The following LYSMD4 variants were observed in gnomAD, a reference collection of about 807,000 sequenced individuals.
The protein encoded by LYSMD4 is LysM domain containing 4.
LYSMD4 carries 9 observed loss-of-function variants against 6.1 expected under a neutral mutation model. The ratio of observed to expected loss-of-function variants is 1.47; its 90% CI spans 0.88 to 2.56. The LOEUF (loss-of-function observed/expected upper bound fraction) is 2.56. LYSMD4 is among the 30% of genes most tolerant of loss of function. The pLI, the probability that LYSMD4 is intolerant of heterozygous loss-of-function variation, is 0.00. For synonymous variants in LYSMD4, 143 were observed against 148.5 expected, an observed-to-expected ratio of 0.96 and a Z score of 0.27; for missense variants, 384 against 373.5, an observed-to-expected ratio of 1.03 and a Z score of -0.23.
intron 1 of LYSMD4, 48 bp downstream of exon 1, chr15:99,733,297 G>A (rs2059469470): frequency 5.1e-6 from 2 of 389,132 alleles, no homozygotes; most frequent in Non-Finnish European, 9.1e-6. Context: ...CCATGAGCCC[G>A]CGCGGCTCCC....
rs564427297 is a variant in LYSMD4, at chr15:99,731,961, G to T, written c.39C>A (p.Gly13=). The change falls in exon 2 of 3, where the codon GGC becomes GGA. Residue 13 remains glycine, a synonymous_variant. Transcript: ENST00000684762. ...HEELLTKTFQ[G]PAVVCGTPTS... ...TCGGAGTCCCACACACAACAGCTGG[G>T]CCTTGGAAGGTCTTGGTTAACAATT... The T allele has an allele frequency of 9.0e-5, 144 of 1,603,886 alleles. 1 individual carries two copies. Among genetic ancestry groups the T allele is most frequent in the Admixed American group, 5.5e-4 (32 of 58,306 alleles).
downstream of LYSMD4, among the ~76,000 whole-genome samples, chr15:99,725,799 G>T (rs2059274742): frequency 6.6e-6 from 1 of 152,102 alleles, no homozygotes; most frequent in Non-Finnish European, 1.5e-5. Context: ...TCATGCCACA[G>T]GTGCCCTACC....
At chr15:99,719,204 C>A (rs760734757), upstream of LYSMD4, among the ~76,000 whole-genome samples, 4 of 152,186 alleles carry the variant, frequency 2.6e-5, no homozygotes, top group Non-Finnish European at 4.4e-5. Context: ...CCAGTCAAGA[C>A]AGTGGTTTCC....
chr15:99,732,146 A>G, intron 1 of LYSMD4, 139 bp from the exon 2 acceptor site: 1 of 906,570 alleles, frequency 1.1e-6, no homozygotes, highest in Non-Finnish European at 1.6e-6. Context: ...TCAACAGAAA[A>G]AAAAGAATGT....
chr15:99,724,286 G>C (rs567292488), downstream of LYSMD4, among the ~76,000 whole-genome samples: 48 of 144,114 alleles, frequency 3.3e-4, no homozygotes, highest in South Asian at 6.4e-3. Context: ...CCTGAGACAG[G>C]GTTTGGCTCC....
chr15:99,718,034 T>C (rs748482531), upstream of LYSMD4, among the ~76,000 whole-genome samples: 11 of 152,260 alleles, frequency 7.2e-5, no homozygotes, highest in Non-Finnish European at 1.2e-4. Context: ...GAAATTAATA[T>C]TGACACAGCA....
chr15:99,715,810 A>T (rs1488862591), exon 1 of LYSMD4: 4 of 151,908 alleles, frequency 2.6e-5, no homozygotes, highest in Non-Finnish European at 5.9e-5. Flanking sequence ...TCTAATGGCC[A>T]CTCCACCGCG....
chr15:99,725,695 C>T (rs753715400), downstream of LYSMD4, among the ~76,000 whole-genome samples: 5 of 152,092 alleles, frequency 3.3e-5, no homozygotes, highest in Non-Finnish European at 7.3e-5. Context: ...GAGGCCAGTA[C>T]CCCAAGTGGG....
rs1364360427 is a variant in LYSMD4 at position 99,732,151 on chromosome 15, G to C, written c.-8-144C>G. ...GCATACATCATCAACAGAAAAAAAA[G>C]AATGTGCTTATGCTGGCTGAGATGG... On this transcript the variant is annotated intron_variant, in intron 1 of 2. Coordinates refer to ENST00000684762, the MANE Select transcript of LYSMD4 (RefSeq NM_001284417.2). 4.6e-6 allele frequency: 4 copies of C among 876,544 alleles called. 1 individual carries two copies. In the South Asian group the frequency reaches 6.0e-5, roughly 13 times the overall value. The allele number at this position is 876,544 out of a possible 1,614,324, so 54.3% of individuals were successfully genotyped here. A position where few individuals can be genotyped will look rare whatever the true frequency, so the allele number is the denominator to read the frequency against.
At chr15:99,725,103 G>A (rs555993326), downstream of LYSMD4, among the ~76,000 whole-genome samples, 10 of 152,030 alleles carry the variant, frequency 6.6e-5, no homozygotes, top group East Asian at 1.9e-4. Flanking sequence ...CTTAAGTGCC[G>A]GGAAGGAAGC....
chr15:99,726,234 C>T (rs1255170590), downstream of LYSMD4, among the ~76,000 whole-genome samples: 1 of 150,352 alleles, frequency 6.7e-6, no homozygotes. Flanking sequence ...ACCTCTGCCT[C>T]CTGGGCTCAA....
At chr15:99,719,749 A>G (rs1298642911), upstream of LYSMD4, among the ~76,000 whole-genome samples, 2 of 152,192 alleles carry the variant, frequency 1.3e-5, no homozygotes, top group Non-Finnish European at 2.9e-5. Context: ...TTGCTGAGGG[A>G]GTTCACCTGT....
downstream of LYSMD4, among the ~76,000 whole-genome samples, chr15:99,722,492 T>C (rs116807081): frequency 6.6e-6 from 1 of 152,094 alleles, no homozygotes; most frequent in Non-Finnish European, 1.5e-5. Flanking sequence ...ATTCACCATG[T>C]CTAGCATCCA....
chr15:99,725,467 CACTTT>C (rs2059271005), downstream of LYSMD4, among the ~76,000 whole-genome samples: 1 of 152,144 alleles, frequency 6.6e-6, no homozygotes, highest in African/African-American at 2.4e-5. Context: ...CCCCTAGTCC[CACTTT>C]ACTTCTCAAA....
Position 99,729,131 on chromosome 15 carries a change from C to A in LYSMD4, c.883G>T (p.Gly295Trp), listed in dbSNP as rs2059336742. ...GTCTTTAAAAACAAAGCTTAGCTCC[C>A]CGCTTGGGTGGTCTGACTGAACTGG... ...DSQFSQTTQAGS is the reference protein window; with the variant it reads ...DSQFSQTTQAWS The change falls in exon 3 of 3, where the codon GGG becomes TGG. Residue 295 changes from glycine (G) to tryptophan (W), a missense_variant. Physicochemically the swap from Gly to Trp is radical, Grantham distance 184. Transcript: ENST00000684762. 3.1e-6 allele frequency: 5 copies of A among 1,612,838 alleles called. No individual in the cohort carries two copies. The highest frequency in any genetic ancestry group is 4.2e-6 in the Non-Finnish European group (5 of 1,178,988).
chr15:99,721,020 T>C (rs537391382), upstream of LYSMD4: 1 of 152,248 alleles, frequency 6.6e-6, no homozygotes, highest in African/African-American at 2.4e-5. Context: ...CAAACCAAAA[T>C]AGAACAAAAC....
chr15:99,726,146 G>GTTT (rs10637642), downstream of LYSMD4, among the ~76,000 whole-genome samples: 18,854 of 61,932 alleles, frequency 0.3, 3,894 homozygotes, highest in South Asian at 0.35. Context: ...GTCTCAAGTG[G>GTTT]TTTTTTTTTT....
Position 99,732,006 on chromosome 15 carries a change from C to G in LYSMD4, c.-7G>C, listed in dbSNP as rs1046138292. On this transcript the variant is annotated splice_region_variant and 5_prime_UTR_variant, in exon 2 of 3. Coordinates refer to ENST00000684762, the MANE Select transcript of LYSMD4 (RefSeq NM_001284417.2). ...ACAATTCCTCGTGCCTCATTTTCTTCACTGAAAATCAAGCCGGAGGGTTAA... is the reference window on the plus strand; with the variant it reads ...ACAATTCCTCGTGCCTCATTTTCTTGACTGAAAATCAAGCCGGAGGGTTAA... 5.8e-6 allele frequency: 9 copies of G among 1,549,198 alleles called. No individual in the cohort carries two copies. Among genetic ancestry groups the G allele is most frequent in the African/African-American group, 4.1e-5 (3 of 73,520 alleles).
intron 2 of LYSMD4, chr15:99,731,292 A>G (rs2059403423): frequency 3.1e-6 from 5 of 1,600,258 alleles, no homozygotes; most frequent in African/African-American, 1.4e-5. Context: ...AACTTTACCA[A>G]AAGTCAAGTA....
Sources: allele counts gnomAD v4.1 joint callset (sites outside exome capture counted in the v4.1 genomes callset), GRCh38; gene constraint gnomAD v4.1.1; transcripts MANE v1.5; gene names NCBI Gene and HGNC (gene_info 2026-07-23, HGNC 2026-07-21).